TRAPPC9: variants seen among roughly 807,000 people sequenced by gnomAD.
TRAPPC9 encodes the protein IKK2 binding protein.
TRAPPC9 carries 83 observed loss-of-function variants against 124.0 expected under a neutral mutation model. That is an observed-to-expected ratio of 0.67 (90% confidence interval 0.56 to 0.80). TRAPPC9 has a LOEUF of 0.80. Ranked by LOEUF, TRAPPC9 falls within the 30% of genes least tolerant of loss-of-function variation. The pLI is 0.00. For missense variants in TRAPPC9, 1,302 were observed against 1,508.3 expected (o/e 0.86, Z 2.27); for synonymous variants, 638 against 617.5 (o/e 1.03, Z -0.49).
chr8:140,109,481 G>A (rs1431860359), intron 17 of TRAPPC9, among the ~76,000 whole-genome samples: 1 of 152,170 alleles, frequency 6.6e-6, no homozygotes, highest in Non-Finnish European at 1.5e-5. Flanking sequence ...ATGTGGTACA[G>A]TGAAACTAAC....
chr8:139,737,891 G>A (rs534329566), intron 21 of TRAPPC9, among the ~76,000 whole-genome samples: 1 of 152,306 alleles, frequency 6.6e-6, no homozygotes, highest in Non-Finnish European at 1.5e-5. Flanking sequence ...CAGGAGCAGC[G>A]GAGGAGAACT....
chr8:140,103,076 G>A (rs1384630047), intron 17 of TRAPPC9, among the ~76,000 whole-genome samples: 3 of 152,248 alleles, frequency 2.0e-5, no homozygotes, highest in East Asian at 1.9e-4. Flanking sequence ...AAGACCTGCC[G>A]CTCCCCACTC....
chr8:140,371,822 T>TA (rs2068290183), intron 7 of TRAPPC9, among the ~76,000 whole-genome samples: 1 of 152,036 alleles, frequency 6.6e-6, no homozygotes, highest in Non-Finnish European at 1.5e-5. Context: ...TCCTGCCTCA[T>TA]CCTCCAGTGT....
intron 17 of TRAPPC9, among the ~76,000 whole-genome samples, chr8:140,077,116 AGATTGT>A (rs1254597731): frequency 6.6e-6 from 1 of 152,198 alleles, no homozygotes; most frequent in Admixed American, 6.5e-5. Context: ...CAGTGAGCCT[AGATTGT>A]GCCACTGTGC....
intron 17 of TRAPPC9, among the ~76,000 whole-genome samples, chr8:140,045,646 A>AC (rs1222307789): frequency 9.1e-5 from 13 of 142,456 alleles, no homozygotes; most frequent in Admixed American, 2.1e-4. Flanking sequence ...AAAAAAAAAA[A>AC]AAAAAAAAAA....
chr8:139,737,756 C>T (rs1818295663), intron 21 of TRAPPC9, among the ~76,000 whole-genome samples: 1 of 152,198 alleles, frequency 6.6e-6, no homozygotes, highest in African/African-American at 2.4e-5. Flanking sequence ...CTGTGAATCT[C>T]CACCTCTCTG....
intron 17 of TRAPPC9, among the ~76,000 whole-genome samples, chr8:140,106,926 T>A (rs565603223): frequency 2.1e-4 from 32 of 152,324 alleles, no homozygotes; most frequent in African/African-American, 7.7e-4. Context: ...ACAGTCTTAA[T>A]AAACATTTGC....
intron 8 of TRAPPC9, among the ~76,000 whole-genome samples, chr8:140,369,726 C>T (rs989154448): frequency 2.0e-5 from 3 of 151,970 alleles, no homozygotes; most frequent in Non-Finnish European, 4.4e-5. Context: ...CCAAAGTGGG[C>T]GGATCACCTG....
Position 140,257,335 on chromosome 8 carries a change from C to G in TRAPPC9, c.2279-4406G>C, listed in dbSNP as rs183774844. 1.6e-4 allele frequency among the ~76,000 whole-genome samples: 25 copies of G among 152,342 alleles called. No individual in the cohort carries two copies. Among genetic ancestry groups the G allele is most frequent in the Non-Finnish European group, 2.9e-4 (20 of 68,038 alleles). On this transcript the variant is annotated intron_variant, in intron 15 of 22. Coordinates refer to ENST00000438773, the MANE Select transcript of TRAPPC9 (RefSeq NM_001160372.4). This position sits in a 1 kb window ranked among gnomAD's most constrained non-coding sequence, Gnocchi z 4.6. ...GAACGCAGTTGCTGCCTCTTCTCCACGCAGCAGTGCTGGCACTGGCCTGGG... is the reference window on the plus strand; with the variant it reads ...GAACGCAGTTGCTGCCTCTTCTCCAGGCAGCAGTGCTGGCACTGGCCTGGG...
chr8:140,004,447 T>C (rs1303636319), intron 18 of TRAPPC9, among the ~76,000 whole-genome samples: 4 of 152,230 alleles, frequency 2.6e-5, no homozygotes, highest in African/African-American at 4.8e-5. Flanking sequence ...AATACTGGTC[T>C]TGTTGCTTAA....
chr8:140,258,648 C>CATTA, intron 15 of TRAPPC9, among the ~76,000 whole-genome samples: 1 of 152,362 alleles, frequency 6.6e-6, no homozygotes, highest in Middle Eastern at 3.4e-3. Context: ...AGGAACTTAA[C>CATTA]ATTATATAAA....
At chr8:139,879,373 GC>G (rs1563886756) in intron 21 of TRAPPC9, among the ~76,000 whole-genome samples, 2 of 152,338 alleles carry the variant, frequency 1.3e-5, no homozygotes, top group East Asian at 3.9e-4. Flanking sequence ...CTCCCAGTGG[GC>G]CTGAAGGCAG....
intron 15 of TRAPPC9, among the ~76,000 whole-genome samples, chr8:140,262,046 C>T (rs1486809912): frequency 6.6e-6 from 1 of 152,162 alleles, no homozygotes; most frequent in African/African-American, 2.4e-5. Context: ...CACACTGATT[C>T]TCTGAATAGG....
intron 7 of TRAPPC9, 123 bp from the exon 8 acceptor site, chr8:140,371,303 A>C: frequency 9.1e-7 from 1 of 1,104,056 alleles, no homozygotes; most frequent in Non-Finnish European, 1.3e-6. Context: ...AATCAAGGAG[A>C]GGGAAAGCCT....
At chr8:139,738,494 C>G (rs1818346978) in intron 21 of TRAPPC9, among the ~76,000 whole-genome samples, 1 of 152,168 alleles carries the variant, frequency 6.6e-6, no homozygotes, top group Non-Finnish European at 1.5e-5. Context: ...AGAGTCCTTA[C>G]AAGGCAAGAA....
At chr8:139,833,269 C>A (rs866884279) in intron 21 of TRAPPC9, among the ~76,000 whole-genome samples, 3 of 152,166 alleles carry the variant, frequency 2.0e-5, no homozygotes, top group Admixed American at 6.5e-5. Context: ...AAACCTATAG[C>A]CCCCTTCCCC....
At chr8:139,960,609 T>TAGCCGGAGGAGCAAGGGAACAGATTCC (rs1835319188) in intron 19 of TRAPPC9, among the ~76,000 whole-genome samples, 1 of 127,978 alleles carries the variant, frequency 7.8e-6, no homozygotes. Context: ...GACCCAGCTG[T>TAGCCGGAGGAGCAAGGGAACAGATTCC]CAAGTCTGGA....
Position 139,966,783 on chromosome 8 carries a change from C to T in TRAPPC9, c.2810+21943G>A, listed in dbSNP as rs558181048. On this transcript the variant is annotated intron_variant, in intron 19 of 22. Coordinates refer to ENST00000438773, the MANE Select transcript of TRAPPC9 (RefSeq NM_001160372.4). Reference sequence around the variant, plus strand: ...GCCTCATTTACATGCTGAGTACACACGTGCATCAATACATATCATGGCAGG... The same window carrying T: ...GCCTCATTTACATGCTGAGTACACATGTGCATCAATACATATCATGGCAGG... 2.3e-3 allele frequency among the ~76,000 whole-genome samples: 351 copies of T among 152,268 alleles called. 2 individuals are homozygous for T. The highest frequency in any genetic ancestry group is 4.3e-3 in the Non-Finnish European group (291 of 68,018).
chr8:140,323,606 T>C (rs1208575455), intron 9 of TRAPPC9, among the ~76,000 whole-genome samples: 1 of 152,196 alleles, frequency 6.6e-6, no homozygotes, highest in Non-Finnish European at 1.5e-5. Flanking sequence ...GAAGAAATCC[T>C]TAAACACATT....
Sources: gnomAD v4.1 joint callset for allele counts (sites outside exome capture counted in the v4.1 genomes callset) on GRCh38, gnomAD v4.1.1 for gene constraint, Gnocchi (gnomAD v3.1) non-coding constraint, MANE v1.5 for transcripts, NCBI Gene and HGNC (gene_info 2026-07-23, HGNC 2026-07-21) for gene names.